Variants in IL16 observed in about 807,000 individuals in gnomAD.
IL16 encodes interleukin 16.
A neutral mutation model predicts 110.1 loss-of-function variants in IL16; 67 were observed. The ratio of observed to expected loss-of-function variants is 0.61; its 90% confidence interval spans 0.50 to 0.75. The LOEUF (loss-of-function observed/expected upper bound fraction) is 0.75, where lower values mean the gene tolerates loss of function less well. IL16 is among the 30% of genes least tolerant of loss of function. The pLI is 0.00. For synonymous variants in IL16, 689 were observed against 662.9 expected (o/e 1.04, Z -0.61); for missense variants, 1,545 against 1,655.0 (o/e 0.93, Z 1.15).
chr15:81,184,142 T>A (rs1895385031), intron 1 of IL16, among the ~76,000 whole-genome samples: 1 of 152,210 alleles, frequency 6.6e-6, no homozygotes, highest in African/African-American at 2.4e-5. Flanking sequence ...TGGATGCATT[T>A]ACTTCCACTG....
At chr15:81,298,096 C>A (rs561142188) in intron 13 of IL16, among the ~76,000 whole-genome samples, 1 of 152,326 alleles carries the variant, frequency 6.6e-6, no homozygotes, top group African/African-American at 2.4e-5. Context: ...CTGCAAAGGG[C>A]TTGCCTGTGG....
At chr15:81,205,962 T>G (rs1353480367) in intron 1 of IL16, among the ~76,000 whole-genome samples, 1 of 152,172 alleles carries the variant, frequency 6.6e-6, no homozygotes, top group Admixed American at 6.6e-5. Context: ...AATGAAGGCA[T>G]GAAAATCAGA....
chr15:81,230,327 G>C (rs1260409507), intron 2 of IL16, among the ~76,000 whole-genome samples: 1 of 152,208 alleles, frequency 6.6e-6, no homozygotes, highest in African/African-American at 2.4e-5. Context: ...TGCCCTTTAA[G>C]TAGGATGTTA....
intron 2 of IL16, among the ~76,000 whole-genome samples, chr15:81,231,554 G>A (rs1351105019): frequency 6.6e-6 from 1 of 152,002 alleles, no homozygotes; most frequent in Non-Finnish European, 1.5e-5. Context: ...TGTATTTTTT[G>A]TAGAGGTGGG....
intron 1 of IL16, among the ~76,000 whole-genome samples, chr15:81,188,947 G>A (rs543100568): frequency 2.6e-5 from 4 of 152,142 alleles, no homozygotes; most frequent in South Asian, 4.2e-4. Flanking sequence ...GCTTTGGGAG[G>A]ACAGAAGGGC....
At chr15:81,292,316 C>T in intron 11 of IL16, 3 of 572,154 alleles carry the variant, frequency 5.2e-6, no homozygotes, top group Non-Finnish European at 9.5e-6. Context: ...ATCTGGGTGG[C>T]ATATCTCCAT....
chr15:81,251,254 C>T (rs1214532041), intron 2 of IL16, among the ~76,000 whole-genome samples: 1 of 152,086 alleles, frequency 6.6e-6, no homozygotes, highest in African/African-American at 2.4e-5. Context: ...GCAATCTCAA[C>T]CTCTTGGGCT....
In IL16 at chr15:81,292,919, C is replaced by G; in HGVS notation, c.1784C>G (p.Ser595Cys). The change falls in exon 12 of 19, where the codon TCC becomes TGC. Residue 595 changes from serine to cysteine, a missense_variant. By Grantham distance (112) the Ser-to-Cys change is moderately radical. Coordinates refer to ENST00000683961, the MANE Select transcript of IL16 (RefSeq NM_172217.5). ...ATTTTGGTGAGAAAGCCTATGTCCT[C>G]CAAGCCCAAGCCTCCACCCAGAAAA... ...FEILVRKPMS[S>C]KPKPPPRKYF... 1.2e-6 allele frequency: 2 copies of G among 1,614,212 alleles called. No individual in the cohort carries two copies. Among genetic ancestry groups the G allele is most frequent in the Non-Finnish European group, 1.7e-6 (2 of 1,180,036 alleles).
intron 2 of IL16, among the ~76,000 whole-genome samples, chr15:81,231,326 CTCTCTCT>C (rs1896969151): frequency 3.0e-5 from 2 of 65,988 alleles, no homozygotes; most frequent in Middle Eastern, 5.1e-3. Context: ...GTCGGTCTGT[CTCTCTCT>C]CTCTCTCTCT....
In IL16 at chr15:81,299,861, C is replaced by T; in HGVS notation, c.2535C>T (p.Ser845=). Residue 845 remains serine (S), a synonymous_variant, in exon 14 of 19, where the codon TCC becomes TCT. Transcript: ENST00000683961. ...SSSSIRQRIS[S]FETFGSSQLP... ...CCTCCATCAGGCAGAGAATCAGCTC[C>T]TTTGAAACCTTTGGCTCCTCTCAAC... 1 of 1,613,770 alleles carries T rather than the reference C, an allele frequency of 6.2e-7. No homozygotes were observed. The highest frequency in any genetic ancestry group is 8.5e-7 in the Non-Finnish European group (1 of 1,180,004).
chr15:81,200,618 G>A (rs1321146016), intron 1 of IL16, among the ~76,000 whole-genome samples: 2 of 152,116 alleles, frequency 1.3e-5, no homozygotes, highest in Admixed American at 6.5e-5. Flanking sequence ...TGATCTGCTC[G>A]CCTCAACCTC....
chr15:81,301,323 T>C, intron 14 of IL16, 21 bp from the exon 15 acceptor site: 1 of 1,587,140 alleles, frequency 6.3e-7, no homozygotes, highest in Non-Finnish European at 8.5e-7. Flanking sequence ...TCATACTGTG[T>C]GTTGTTTCTC....
At chr15:81,257,341 C>T (rs1897983125) in intron 2 of IL16, among the ~76,000 whole-genome samples, 1 of 152,180 alleles carries the variant, frequency 6.6e-6, no homozygotes, top group African/African-American at 2.4e-5. Flanking sequence ...CAGTTGGCGA[C>T]AGAGTACACT....
In IL16 at chr15:81,311,035, G is replaced by A. The variant is rs917947230; in HGVS notation, c.*2237G>A. 1.4e-4 allele frequency: 22 copies of A among 152,190 alleles called. No individual in the cohort carries two copies. The highest frequency in any genetic ancestry group is 5.1e-4 in the African/African-American group (21 of 41,436). The allele number at this position is 152,190 out of a possible 1,614,324, so 9.4% of individuals were successfully genotyped here. A position where few individuals can be genotyped will look rare whatever the true frequency, so the allele number is the denominator to read the frequency against. On this transcript the variant is annotated 3_prime_UTR_variant, in exon 19 of 19. Coordinates refer to ENST00000683961, the MANE Select transcript of IL16 (RefSeq NM_172217.5). ...TGCCCAGGTTTCTGGTCTCTAGGCT[G>A]GGGAAGTCCTCTGGGTAGGAATCAG... is the stretch of plus-strand genomic sequence containing the variant.
At chr15:81,273,948 A>G (rs1168847781) in intron 6 of IL16, among the ~76,000 whole-genome samples, 3 of 151,234 alleles carry the variant, frequency 2.0e-5, no homozygotes, top group African/African-American at 7.3e-5. Flanking sequence ...TCCACCCTAA[A>G]GTCATTCATG....
intron 16 of IL16, among the ~76,000 whole-genome samples, chr15:81,304,954 T>G (rs919247935): frequency 6.6e-6 from 1 of 152,238 alleles, no homozygotes; most frequent in Non-Finnish European, 1.5e-5. Flanking sequence ...TTAAAGAGGC[T>G]GAGGCAGAGA....
rs57484982 is a variant in IL16, at chr15:81,247,076, C to CTTTTTTTTTTTTTTTTTTTTTTTT, written c.313-12676_313-12675insTTTTTTTTTTTTTTTTTTTTTTTT. Among the ~76,000 whole-genome samples, 3 of 92,638 alleles carry CTTTTTTTTTTTTTTTTTTTTTTTT rather than the reference C, an allele frequency of 3.2e-5. 1 individual carries two copies. Among genetic ancestry groups the CTTTTTTTTTTTTTTTTTTTTTTTT allele is most frequent in the African/African-American group, 4.8e-5 (1 of 20,758 alleles). The allele number at this position is 92,638 out of a possible 152,430, so 60.8% of individuals were successfully genotyped here. A position where few individuals can be genotyped will look rare whatever the true frequency, so the allele number is the denominator to read the frequency against. On this transcript the variant is annotated intron_variant, in intron 2 of 18. Transcript: ENST00000683961. ...TTTGTGTTTTCTTTCTTTTCTTTTC[C>CTTTTTTTTTTTTTTTTTTTTTTTT]TTTTTTTTTTTTTTTTTTTTGATCT...
chr15:81,297,126 G>C, intron 13 of IL16, 48 bp downstream of exon 13: 1 of 1,576,876 alleles, frequency 6.3e-7, no homozygotes, highest in South Asian at 1.1e-5. Context: ...TTTGAAAAAA[G>C]GTGCAGGGAT....
At chr15:81,239,324 T>G (rs1897273528) in intron 2 of IL16, among the ~76,000 whole-genome samples, 1 of 152,180 alleles carries the variant, frequency 6.6e-6, no homozygotes, top group Non-Finnish European at 1.5e-5. Context: ...ACAATGGCAT[T>G]TCAGTGTTCA....
Sources: allele counts gnomAD v4.1 joint callset (sites outside exome capture counted in the v4.1 genomes callset), GRCh38; gene constraint gnomAD v4.1.1; transcripts MANE v1.5; gene names NCBI Gene and HGNC (gene_info 2026-07-23, HGNC 2026-07-21).